CCDC181: variants seen among roughly 807,000 people sequenced by gnomAD.
CCDC181 encodes the protein coiled-coil domain-containing protein 181.
CCDC181 carries 35 observed loss-of-function variants against 58.7 expected under a neutral mutation model. That is an observed-to-expected ratio of 0.60 (90% CI 0.46 to 0.79). The LOEUF is 0.79. CCDC181 is among the 30% of genes least tolerant of loss of function. The pLI, the probability that CCDC181 is intolerant of heterozygous loss-of-function variation, is 0.00. For synonymous variants in CCDC181, 183 were observed against 197.5 expected, an observed-to-expected ratio of 0.93 and a Z score of 0.62; for missense variants, 517 against 583.9, an observed-to-expected ratio of 0.89 and a Z score of 1.18.
In CCDC181 at chr1:169,419,149, C is replaced by T. The variant is rs530288123; in HGVS notation, c.1079G>A (p.Arg360Gln). The T allele has an allele frequency of 1.2e-5, 19 of 1,593,934 alleles. No individual in the cohort carries two copies. Among genetic ancestry groups the T allele is most frequent in the South Asian group, 1.0e-4 (9 of 87,592 alleles). Residue 360 changes from arginine (R) to glutamine (Q), a missense_variant, in exon 4 of 6, where the codon CGA (arginine) becomes CAA (glutamine). Coordinates refer to ENST00000367806, the MANE Select transcript of CCDC181 (RefSeq NM_001300969.2). ...TTTTTCTTTCTCTTCTTCTATTTTT[C>T]GTCGCTCTTCCTAGTAAAAGAATAT... ...REKLKREEER[R>Q]KIEEEKEKKR...
chr1:169,427,645 G>A (rs1033066883), upstream of CCDC181, among the ~76,000 whole-genome samples: 4 of 152,238 alleles, frequency 2.6e-5, no homozygotes, highest in African/African-American at 9.7e-5. Flanking sequence ...TGTTGGTTGT[G>A]AAATTTCCCT....
intron 1 of CCDC181, among the ~76,000 whole-genome samples, chr1:169,460,052 T>G (rs895085888): frequency 2.0e-5 from 3 of 152,186 alleles, no homozygotes; most frequent in Non-Finnish European, 4.4e-5. Flanking sequence ...GGGACAGCAC[T>G]TGGGCCTGTG....
At chr1:169,403,180 C>G (rs774091114) in intron 4 of CCDC181, among the ~76,000 whole-genome samples, 1 of 152,172 alleles carries the variant, frequency 6.6e-6, no homozygotes, top group East Asian at 1.9e-4. Context: ...TAGAGACCTA[C>G]AGAGAAACTT....
At chr1:169,417,078 T>C (rs1656248881) in intron 4 of CCDC181, among the ~76,000 whole-genome samples, 1 of 152,156 alleles carries the variant, frequency 6.6e-6, no homozygotes, top group South Asian at 2.1e-4. Flanking sequence ...CAACACAGAA[T>C]ACTTCACCTC....
chr1:169,406,812 CA>C (rs1655684733), intron 4 of CCDC181, among the ~76,000 whole-genome samples: 1 of 149,786 alleles, frequency 6.7e-6, no homozygotes. Context: ...AAAAACCCAC[CA>C]CAAAAAAAAT....
chr1:169,438,086 G>T (rs1218101126), intron 2 of CCDC181, among the ~76,000 whole-genome samples: 1 of 152,074 alleles, frequency 6.6e-6, no homozygotes, highest in Non-Finnish European at 1.5e-5. Context: ...CAGGCTTGTA[G>T]GTGTCCTAAA....
chr1:169,418,659 T>A (rs1470082734), intron 4 of CCDC181: 4 of 273,486 alleles, frequency 1.5e-5, no homozygotes, highest in East Asian at 1.3e-4. Context: ...AAGATTTACA[T>A]AATATTTCTA....
chr1:169,427,796 A>C (rs2102108159), upstream of CCDC181, among the ~76,000 whole-genome samples: 1 of 152,364 alleles, frequency 6.6e-6, no homozygotes, highest in South Asian at 2.1e-4. Context: ...CTAATGAGTT[A>C]CCATATTTTT....
At chr1:169,444,874 A>G (rs1234801300) in intron 2 of CCDC181, among the ~76,000 whole-genome samples, 3 of 152,196 alleles carry the variant, frequency 2.0e-5, no homozygotes, top group African/African-American at 4.8e-5. Flanking sequence ...GATTGCCACA[A>G]TTGAGAGGTT....
At chr1:169,408,764 A>C (rs1344099377) in intron 4 of CCDC181, among the ~76,000 whole-genome samples, 2 of 152,216 alleles carry the variant, frequency 1.3e-5, no homozygotes, top group African/African-American at 4.8e-5. Context: ...GAGGACCTCC[A>C]GCAAACTCCA....
chr1:169,395,238 G>A (rs186016608), intron 5 of CCDC181, 32 bp from the exon 6 acceptor site: 66 of 1,577,608 alleles, frequency 4.2e-5, no homozygotes, highest in Non-Finnish European at 5.5e-5. Context: ...GATTTGGTGA[G>A]TATCAACCTG....
Position 169,419,164 on chromosome 1 carries a change from T to C in CCDC181, c.1069-5A>G. On this transcript the variant is annotated splice_polypyrimidine_tract_variant and splice_region_variant and intron_variant, in intron 3 of 5. Coordinates refer to ENST00000367806, the MANE Select transcript of CCDC181 (RefSeq NM_001300969.2). ...TTCTATTTTTCGTCGCTCTTCCTAG[T>C]AAAAGAATATGAAAAGACATTAATG... 6.4e-7 allele frequency: 1 copy of C among 1,573,268 alleles called. No homozygotes were observed. Among genetic ancestry groups the C allele is most frequent in the Non-Finnish European group, 8.6e-7 (1 of 1,156,924 alleles).
chr1:169,421,539 G>T lies in CCDC181; in HGVS notation c.892C>A (p.Arg298Ser), dbSNP rs200412936. Residue 298 changes from arginine (R) to serine (S), a missense_variant, in exon 3 of 6, where the codon CGC (arginine) becomes AGC (serine). Arg to Ser is a moderately radical substitution (Grantham distance 110). Transcript: ENST00000367806. ...LAYIAQPPLN[R>S]KTCPSSAVNS... ...ACAGCAGAGCTTGGACAAGTCTTGC[G>T]GTTGAGTGGTGGCTGAGCGATATAA... 1 of 1,614,078 alleles carries T rather than the reference G, an allele frequency of 6.2e-7. No homozygotes were observed. Among genetic ancestry groups the T allele is most frequent in the South Asian group, 1.1e-5 (1 of 91,074 alleles).
intron 4 of CCDC181, among the ~76,000 whole-genome samples, chr1:169,410,759 A>C (rs145123513): frequency 0.084 from 12,825 of 152,272 alleles, 732 homozygotes; most frequent in Admixed American, 0.19. Context: ...GCACAACTAC[A>C]TGGAAACTGA....
At chr1:169,457,901 A>G (rs1430209359) in intron 2 of CCDC181, among the ~76,000 whole-genome samples, 7 of 152,160 alleles carry the variant, frequency 4.6e-5, no homozygotes, top group Non-Finnish European at 1.0e-4. Context: ...CATTTGCTAG[A>G]CTTTTATGAT....
At chr1:169,396,457 G>A (rs1655041589) in intron 5 of CCDC181, 2 of 152,294 alleles carry the variant, frequency 1.3e-5, no homozygotes, top group Admixed American at 1.3e-4. Flanking sequence ...TTGGGAGGCT[G>A]AGGTGGGAAA....
chr1:169,404,683 G>A (rs1655550624), intron 4 of CCDC181, among the ~76,000 whole-genome samples: 1 of 152,194 alleles, frequency 6.6e-6, no homozygotes. Flanking sequence ...AGCTATTTAT[G>A]AGAAATCCAC....
At chr1:169,411,771 C>A (rs1261555711) in intron 4 of CCDC181, among the ~76,000 whole-genome samples, 1 of 152,158 alleles carries the variant, frequency 6.6e-6, no homozygotes, top group Non-Finnish European at 1.5e-5. Context: ...GAAACAATGA[C>A]AAAAACCACA....
chr1:169,423,048 A>G (rs989506252), intron 2 of CCDC181, among the ~76,000 whole-genome samples: 11 of 135,272 alleles, frequency 8.1e-5, no homozygotes, highest in Admixed American at 2.4e-4. Context: ...TAATATATAA[A>G]TGTATATAAA....
Sources: gnomAD v4.1 joint callset for allele counts (sites outside exome capture counted in the v4.1 genomes callset) on GRCh38, gnomAD v4.1.1 for gene constraint, MANE v1.5 for transcripts, NCBI Gene and HGNC (gene_info 2026-07-23, HGNC 2026-07-21) for gene names.